Variants in UNC5C observed in about 807,000 individuals in gnomAD.
The protein encoded by UNC5C is unc-5 netrin receptor C, also known as netrin receptor UNC5C.
Under a neutral mutation model 99.8 loss-of-function variants are expected in UNC5C, and 47 were observed. That is an observed-to-expected ratio of 0.47 (90% CI 0.37 to 0.60). The LOEUF (loss-of-function observed/expected upper bound fraction) is 0.60, where lower values mean the gene tolerates loss of function less well. UNC5C is among the 20% of genes least tolerant of loss of function. The pLI, the probability that UNC5C is intolerant of heterozygous loss-of-function variation, is 0.00. For synonymous variants in UNC5C, 487 were observed against 452.2 expected (o/e 1.08, Z -0.98); for missense variants, 1,062 against 1,165.9 (o/e 0.91, Z 1.30).
chr4:95,251,322 T>C (rs1394956886), intron 4 of UNC5C, among the ~76,000 whole-genome samples: 1 of 152,178 alleles, frequency 6.6e-6, no homozygotes, highest in Non-Finnish European at 1.5e-5. Context: ...CTTAATACAA[T>C]CTGAATAGCT....
intron 7 of UNC5C, chr4:95,222,123 CT>C (rs2149369139): frequency 1.0e-6 from 1 of 971,192 alleles, no homozygotes; most frequent in East Asian, 2.8e-5. Context: ...GTGTGCACAT[CT>C]GTAATCCGAA....
intron 1 of UNC5C, among the ~76,000 whole-genome samples, chr4:95,419,770 C>A (rs1286595585): frequency 6.6e-6 from 1 of 151,988 alleles, no homozygotes; most frequent in Non-Finnish European, 1.5e-5. Context: ...CTTTTCTGGT[C>A]CATGTTGAAC....
At chr4:95,206,134 G>C (rs974263867) in intron 11 of UNC5C, among the ~76,000 whole-genome samples, 3 of 151,568 alleles carry the variant, frequency 2.0e-5, no homozygotes, top group African/African-American at 7.3e-5. Flanking sequence ...CCGAGTACCT[G>C]GGATTATAGG....
At chr4:95,295,033 C>T (rs1312057987) in intron 3 of UNC5C, among the ~76,000 whole-genome samples, 3 of 152,182 alleles carry the variant, frequency 2.0e-5, no homozygotes, top group African/African-American at 7.2e-5. Flanking sequence ...GTCTCCTATG[C>T]TGCTTTTTCC....
intron 7 of UNC5C, 101 bp from the exon 8 acceptor site, chr4:95,220,277 A>G (rs1470724984): frequency 3.6e-6 from 4 of 1,113,898 alleles, no homozygotes; most frequent in Non-Finnish European, 5.0e-6. Context: ...TGCCTTTTTT[A>G]TAGGTTAATT....
chr4:95,328,472 A>G (rs2149417045), intron 2 of UNC5C, among the ~76,000 whole-genome samples: 1 of 133,580 alleles, frequency 7.5e-6, no homozygotes, highest in East Asian at 2.4e-4. Flanking sequence ...TCATTGTTGG[A>G]CATTTGGGTT....
intron 3 of UNC5C, among the ~76,000 whole-genome samples, chr4:95,300,791 T>G (rs1741838097): frequency 6.6e-6 from 1 of 152,092 alleles, no homozygotes; most frequent in Non-Finnish European, 1.5e-5. Flanking sequence ...TACTAGAGGC[T>G]GGGAAGGGTA....
chr4:95,494,476 C>T (rs900043996), intron 1 of UNC5C, among the ~76,000 whole-genome samples: 1 of 151,368 alleles, frequency 6.6e-6, no homozygotes, highest in Non-Finnish European at 1.5e-5. Flanking sequence ...TGTTGTCCTC[C>T]CCACCCCTTA....
chr4:95,302,794 A>C (rs1221962241), intron 2 of UNC5C, among the ~76,000 whole-genome samples: 1 of 152,252 alleles, frequency 6.6e-6, no homozygotes, highest in Non-Finnish European at 1.5e-5. Context: ...ATTATGTAAA[A>C]GATAATGTAT....
chr4:95,239,385 G>A (rs1290843571), intron 7 of UNC5C, among the ~76,000 whole-genome samples: 1 of 151,932 alleles, frequency 6.6e-6, no homozygotes, highest in Non-Finnish European at 1.5e-5. Flanking sequence ...GGGCAAAAAT[G>A]TTATAGTTGT....
chr4:95,395,345 T>C (rs1560817804), intron 1 of UNC5C, among the ~76,000 whole-genome samples: 2 of 152,214 alleles, frequency 1.3e-5, no homozygotes, highest in Non-Finnish European at 2.9e-5. Flanking sequence ...TATTTTCCTT[T>C]TGCACAGGTT....
chr4:95,325,081 G>A (rs1207394271), intron 2 of UNC5C, among the ~76,000 whole-genome samples: 2 of 152,162 alleles, frequency 1.3e-5, no homozygotes, highest in Non-Finnish European at 2.9e-5. Flanking sequence ...CAGTTTAAGA[G>A]GAAAAACCAT....
At chr4:95,353,203 G>A (rs535707526) in intron 1 of UNC5C, among the ~76,000 whole-genome samples, 1 of 152,144 alleles carries the variant, frequency 6.6e-6, no homozygotes, top group South Asian at 2.1e-4. Flanking sequence ...TGCAATTTGG[G>A]GGTCTCAATT....
intron 7 of UNC5C, among the ~76,000 whole-genome samples, chr4:95,241,558 G>A (rs1739331224): frequency 1.3e-5 from 2 of 152,126 alleles, no homozygotes; most frequent in Admixed American, 1.3e-4. Context: ...AATGTATTAT[G>A]AGAAATGTCA....
At chr4:95,421,868 C>T (rs975292421) in intron 1 of UNC5C, among the ~76,000 whole-genome samples, 2 of 152,074 alleles carry the variant, frequency 1.3e-5, no homozygotes, top group Non-Finnish European at 2.9e-5. Flanking sequence ...ATATTTTTTC[C>T]TCTTTATTAT....
intron 1 of UNC5C, among the ~76,000 whole-genome samples, chr4:95,356,964 G>C (rs1301158896): frequency 6.6e-6 from 1 of 152,088 alleles, no homozygotes; most frequent in Non-Finnish European, 1.5e-5. Flanking sequence ...GTATTAAGGG[G>C]AAGACCTTCC....
intron 1 of UNC5C, among the ~76,000 whole-genome samples, chr4:95,354,853 A>T (rs562826227): frequency 6.6e-6 from 1 of 151,950 alleles, no homozygotes; most frequent in Non-Finnish European, 1.5e-5. Flanking sequence ...ACCATTTTCT[A>T]TCTCTCTCCC....
intron 1 of UNC5C, among the ~76,000 whole-genome samples, chr4:95,432,724 G>T (rs1365504855): frequency 6.6e-6 from 1 of 151,956 alleles, no homozygotes; most frequent in East Asian, 1.9e-4. Context: ...GACCTCAAAG[G>T]GTCAATAAGA....
rs536039867 is a variant in UNC5C, at chr4:95,424,518, C to CTTTTTTTTTTTTTTTTTTTTTTTTTTTT, written c.125-88888_125-88887insAAAAAAAAAAAAAAAAAAAAAAAAAAAA. ...GGCTTCAGAATTTTTTTTTTCTTTTCTTTTTTTTTTTTTTTTTTTTTGAGA... is the reference window on the plus strand; with the variant it reads ...GGCTTCAGAATTTTTTTTTTCTTTTCTTTTTTTTTTTTTTTTTTTTTTTTTTTTTTTTTTTTTTTTTTTTTTTTTGAGA... On this transcript the variant is annotated intron_variant, in intron 1 of 15. Coordinates refer to ENST00000453304, the MANE Select transcript of UNC5C (RefSeq NM_003728.4). Among the ~76,000 whole-genome samples the CTTTTTTTTTTTTTTTTTTTTTTTTTTTT allele has an allele frequency of 2.2e-4, 15 of 67,962 alleles. 2 individuals carry two copies. The highest frequency in any genetic ancestry group is 3.6e-4 in the African/African-American group (6 of 16,830). The allele number at this position is 67,962 out of a possible 152,430, so 44.6% of individuals were successfully genotyped here. A position where few individuals can be genotyped will look rare whatever the true frequency, so the allele number is the denominator to read the frequency against.
Sources: gnomAD v4.1 joint callset for allele counts (sites outside exome capture counted in the v4.1 genomes callset) on GRCh38, gnomAD v4.1.1 for gene constraint, MANE v1.5 for transcripts, NCBI Gene and HGNC (gene_info 2026-07-23, HGNC 2026-07-21) for gene names.